ALKBH8: variants seen among roughly 807,000 people sequenced by gnomAD.
The protein encoded by ALKBH8 is tRNA (carboxymethyluridine(34)-5-O)-methyltransferase ALKBH8.
ALKBH8 carries 36 observed loss-of-function variants against 59.8 expected under a neutral mutation model. The ratio of observed to expected loss-of-function variants is 0.60; its 90% CI spans 0.46 to 0.79. The LOEUF (loss-of-function observed/expected upper bound fraction) is 0.79. Among genes scored for constraint, ALKBH8 ranks in the 30% least tolerant of loss-of-function variants. The pLI, the probability that ALKBH8 is intolerant of heterozygous loss-of-function variation, is 0.00. For missense variants in ALKBH8, 768 were observed against 801.0 expected, an observed-to-expected ratio of 0.96 and a Z score of 0.50; for synonymous variants, 276 against 273.6, an observed-to-expected ratio of 1.01 and a Z score of -0.09.
rs113737270 is a variant in ALKBH8, at chr11:107,547,683, G to A, written c.771+2070C>T. Among the ~76,000 whole-genome samples, 784 of 152,058 alleles carry A rather than the reference G, an allele frequency of 5.2e-3. 4 individuals carry two copies. Among genetic ancestry groups the A allele is most frequent in the African/African-American group, 0.018 (742 of 41,482 alleles). On this transcript the variant is annotated intron_variant, in intron 7 of 11. Transcript: ENST00000428149. ...ATAAGGGTTTTAAGAATATGTTCAA[G>A]TAATCATAAAAATAAACTTCATTTT...
At chr11:107,518,378 C>T (rs1169815285) in intron 10 of ALKBH8, among the ~76,000 whole-genome samples, 3 of 152,238 alleles carry the variant, frequency 2.0e-5, no homozygotes, top group Non-Finnish European at 2.9e-5. Context: ...CACTGCAGCC[C>T]TGAACTCCTG....
chr11:107,503,371 G>A lies in ALKBH8; in HGVS notation c.*1287C>T. The A allele has an allele frequency of 6.6e-6, 1 of 152,096 alleles. No individual in the cohort carries two copies. Among genetic ancestry groups the A allele is most frequent in the African/African-American group, 2.4e-5 (1 of 41,410 alleles). The allele number at this position is 152,096 out of a possible 1,614,324, so 9.4% of individuals were successfully genotyped here. A position where few individuals can be genotyped will look rare whatever the true frequency, so the allele number is the denominator to read the frequency against. ...TGAAAACTTGATGCTTCAAGATTAA[G>A]TATCACTAGCATTAATAACAGTAAA... On this transcript the variant is annotated 3_prime_UTR_variant, in exon 12 of 12. Transcript: ENST00000428149.
intron 5 of ALKBH8, among the ~76,000 whole-genome samples, chr11:107,552,835 G>A (rs989684383): frequency 3.9e-5 from 6 of 152,038 alleles, no homozygotes; most frequent in South Asian, 4.1e-4. Context: ...AATGTCTATC[G>A]ATAGAGAACT....
chr11:107,531,113 GA>G (rs113245750), intron 8 of ALKBH8, among the ~76,000 whole-genome samples: 6 of 149,854 alleles, frequency 4.0e-5, no homozygotes, highest in South Asian at 2.1e-4. Context: ...TAATGGCCAT[GA>G]AAAAAAAATC....
rs559020423 is a variant in ALKBH8, at chr11:107,525,587, G to A, written c.884C>T (p.Thr295Met). The A allele has an allele frequency of 7.2e-6, 10 of 1,381,912 alleles. No homozygotes were observed. The Admixed American group carries it at 1.0e-4, about 14-fold the overall frequency. The allele number at this position is 1,381,912 out of a possible 1,614,324, so 85.6% of individuals were successfully genotyped here. A position where few individuals can be genotyped will look rare whatever the true frequency, so the allele number is the denominator to read the frequency against. ...ESRYLWTHGITCRKFDTVQAS... is the reference protein window; with the variant it reads ...ESRYLWTHGIMCRKFDTVQAS... ...TTGAACAGTATCAAATTTTCTGCAC[G>A]TGATTCTAAAAACAATAGTCAAAAA... Residue 295 changes from threonine to methionine, a missense_variant, in exon 9 of 12, where the codon ACG becomes ATG. Transcript: ENST00000428149.
At chr11:107,509,014 G>C (rs1208923771) in intron 11 of ALKBH8, among the ~76,000 whole-genome samples, 1 of 152,120 alleles carries the variant, frequency 6.6e-6, no homozygotes, top group Non-Finnish European at 1.5e-5. Flanking sequence ...CAATTCTTTT[G>C]GGTATATATC....
chr11:107,522,270 A>C (rs568927883), intron 10 of ALKBH8, 29 bp downstream of exon 10: 2 of 1,547,922 alleles, frequency 1.3e-6, no homozygotes, highest in Admixed American at 2.0e-5. Context: ...AAATTAAGCA[A>C]AAAGAAAGTC....
rs898609694 is a variant in ALKBH8, at chr11:107,502,949, G to C, written c.*1709C>G. 7 of 152,064 alleles carry C rather than the reference G, an allele frequency of 4.6e-5. No individual in the cohort carries two copies. The highest frequency in any genetic ancestry group is 1.0e-4 in the Non-Finnish European group (7 of 67,996). The allele number at this position is 152,064 out of a possible 1,614,324, so 9.4% of individuals were successfully genotyped here. Reference sequence around the variant, plus strand: ...TGAAGCACAGAAAGTCAAGAAATTTGCCCAAAATCCCACAGCTAATAAATG... The same window carrying C: ...TGAAGCACAGAAAGTCAAGAAATTTCCCCAAAATCCCACAGCTAATAAATG... On this transcript the variant is annotated 3_prime_UTR_variant, in exon 12 of 12. Coordinates refer to ENST00000428149, the MANE Select transcript of ALKBH8 (RefSeq NM_138775.3).
chr11:107,530,600 AACACACACACACACACACAC>A (rs66736211), intron 8 of ALKBH8, among the ~76,000 whole-genome samples: 35,032 of 132,142 alleles, frequency 0.27, 4,983 homozygotes, highest in East Asian at 0.48. Flanking sequence ...CTCTCTTCCT[AACACACACACACACACACAC>A]ACACACACAC....
chr11:107,558,018 G>T (rs1200648551), intron 2 of ALKBH8, among the ~76,000 whole-genome samples: 1 of 152,044 alleles, frequency 6.6e-6, no homozygotes, highest in African/African-American at 2.4e-5. Flanking sequence ...AATATTTTAG[G>T]CTTGGCAGGC....
At position 107,559,748 on chromosome 11, in the gene ALKBH8, A is replaced by G. The variant is rs994700892; in HGVS notation, c.129+1017T>C. Among the ~76,000 whole-genome samples the G allele has an allele frequency of 2.0e-5, 3 of 152,208 alleles. No individual in the cohort carries two copies. In the East Asian group the frequency reaches 5.8e-4, roughly 29 times the overall value. ...AAGACATTAATATTTAACTCCAAGT[A>G]TGGGCCTTTTACCTCCTAAATTCAA... On this transcript the variant is annotated intron_variant, in intron 2 of 11. Coordinates refer to ENST00000428149, the MANE Select transcript of ALKBH8 (RefSeq NM_138775.3).
intron 11 of ALKBH8, among the ~76,000 whole-genome samples, chr11:107,506,476 CA>C (rs1281063055): frequency 2.0e-5 from 3 of 150,786 alleles, no homozygotes; most frequent in Non-Finnish European, 4.4e-5. Context: ...TTAGTATGCT[CA>C]AAAAACCAGA....
chr11:107,522,608 G>C, intron 9 of ALKBH8, 53 bp from the exon 10 acceptor site: 1 of 1,478,506 alleles, frequency 6.8e-7, no homozygotes, highest in Non-Finnish European at 9.0e-7. Context: ...AACTCATAAG[G>C]TATCAAGTTT....
chr11:107,552,081 A>G (rs2135573814), intron 5 of ALKBH8, among the ~76,000 whole-genome samples, 169 bp from the exon 6 acceptor site: 1 of 146,830 alleles, frequency 6.8e-6, no homozygotes. Flanking sequence ...AAATTTAGGA[A>G]TCTTTTAAAG....
At chr11:107,516,437 C>T (rs1475348153) in intron 10 of ALKBH8, among the ~76,000 whole-genome samples, 1 of 152,100 alleles carries the variant, frequency 6.6e-6, no homozygotes, top group African/African-American at 2.4e-5. Context: ...TATCTCACAC[C>T]ATCTACAAAA....
Position 107,541,656 on chromosome 11 carries a change from T to A in ALKBH8, c.771+8097A>T, listed in dbSNP as rs1331244709. On this transcript the variant is annotated intron_variant, in intron 7 of 11. Transcript: ENST00000428149. ...CTCAATGGTATAAAATCTAGCTAAATAACAAAATCACCTGTGAGCTTTCTA... is the reference window on the plus strand; with the variant it reads ...CTCAATGGTATAAAATCTAGCTAAAAAACAAAATCACCTGTGAGCTTTCTA... 2.0e-5 allele frequency among the ~76,000 whole-genome samples: 3 copies of A among 152,172 alleles called. No homozygotes were observed. In the East Asian group the frequency reaches 5.8e-4, roughly 29 times the overall value.
Position 107,515,319 on chromosome 11 carries a change from G to A in ALKBH8, c.1288-4283C>T, listed in dbSNP as rs116890127. ...AGCTACATATTTCTGTGTGCTGGGT[G>A]AAGATCAATGACATTAAAACATATA... is the stretch of plus-strand genomic sequence containing the variant. On this transcript the variant is annotated intron_variant, in intron 10 of 11. Coordinates refer to ENST00000428149, the MANE Select transcript of ALKBH8 (RefSeq NM_138775.3). Among the ~76,000 whole-genome samples, 290 of 152,308 alleles carry A rather than the reference G, an allele frequency of 1.9e-3. 1 individual carries two copies. The highest frequency in any genetic ancestry group is 3.3e-3 in the Non-Finnish European group (223 of 68,024).
chr11:107,505,066 C>T lies in ALKBH8; in HGVS notation c.1587G>A (p.Glu529=), dbSNP rs1345084442. The T allele has an allele frequency of 6.4e-7, 1 of 1,551,630 alleles. No homozygotes were observed. Among genetic ancestry groups the T allele is most frequent in the South Asian group, 1.2e-5 (1 of 84,054 alleles). Residue 529 remains glutamate, a synonymous_variant, in exon 12 of 12, where the codon GAG becomes GAA. Transcript: ENST00000428149. ...GCACTGAGGTATCACTGTTCATCTC[C>T]TCTTTCTTTCCTTGGCTATTTCTGT... ...RGNRNSQGKK[E]EMNSDTSVQR...
At position 107,531,730 on chromosome 11, in the gene ALKBH8, C is replaced by T. The variant is rs374866923; in HGVS notation, c.878+570G>A. On this transcript the variant is annotated intron_variant, in intron 8 of 11. Transcript: ENST00000428149. ...CTTGGCCAACTTTTTCTGTAAGGGG[C>T]CAGAGAGTGAATATTTCAGGCACTG... is the stretch of plus-strand genomic sequence containing the variant. 7.2e-5 allele frequency among the ~76,000 whole-genome samples: 11 copies of T among 152,294 alleles called. No homozygotes were observed. The East Asian group carries it at 2.1e-3, about 29-fold the overall frequency.
Sources: gnomAD v4.1 joint callset for allele counts (sites outside exome capture counted in the v4.1 genomes callset) on GRCh38, gnomAD v4.1.1 for gene constraint, MANE v1.5 for transcripts, NCBI Gene and HGNC (gene_info 2026-07-23, HGNC 2026-07-21) for gene names.